Variants in PPP2R3A observed in about 807,000 individuals in gnomAD.
The protein encoded by PPP2R3A is serine/threonine-protein phosphatase 2A regulatory subunit B'' subunit alpha.
PPP2R3A carries 80 observed loss-of-function variants against 106.9 expected under a neutral mutation model. The ratio of observed to expected loss-of-function variants is 0.75; its 90% CI spans 0.62 to 0.90. The LOEUF is 0.90. Ranked by LOEUF, PPP2R3A falls within the 40% of genes least tolerant of loss-of-function variation. The pLI is 0.00. For synonymous variants in PPP2R3A, 483 were observed against 468.3 expected (o/e 1.03, Z -0.41); for missense variants, 1,386 against 1,350.4 (o/e 1.03, Z -0.41).
At chr3:136,041,988 G>T (rs770435229) in intron 4 of PPP2R3A, among the ~76,000 whole-genome samples, 1 of 151,768 alleles carries the variant, frequency 6.6e-6, no homozygotes, top group Non-Finnish European at 1.5e-5. Flanking sequence ...TGTTCTTCTC[G>T]CCTTTTCTGA....
At chr3:136,018,221 C>G (rs977532756) in intron 2 of PPP2R3A, among the ~76,000 whole-genome samples, 1 of 152,182 alleles carries the variant, frequency 6.6e-6, no homozygotes, top group Non-Finnish European at 1.5e-5. Context: ...GAGCCAAGAT[C>G]ATGCCACTGC....
rs755472124 is a variant in PPP2R3A, at chr3:136,087,980, C to G, written c.2837+49C>G. 2.3e-4 allele frequency: 332 copies of G among 1,463,430 alleles called. 1 individual carries two copies. Among genetic ancestry groups the G allele is most frequent in the Non-Finnish European group, 6.5e-5 (69 of 1,054,498 alleles). The allele number at this position is 1,463,430 out of a possible 1,614,324, so 90.7% of individuals were successfully genotyped here. A position where few individuals can be genotyped will look rare whatever the true frequency, so the allele number is the denominator to read the frequency against. ...TTTAAAAATGAACTACAAGTAATAC[C>G]ATAACCATCTCATTTTAGCAAAGCT... is the stretch of plus-strand genomic sequence containing the variant. On this transcript the variant is annotated intron_variant, in intron 9 of 13. Transcript: ENST00000264977.
At position 136,050,455 on chromosome 3, in the gene PPP2R3A, G is replaced by A. The variant is rs550251360; in HGVS notation, c.2469+1094G>A. ...GTGCCACAGTTCTGAGGTCTTACAC[G>A]GTACCAAAGCATTAGGGTTGGGAGT... On this transcript the variant is annotated intron_variant, in intron 5 of 13. Transcript: ENST00000264977. Among the ~76,000 whole-genome samples, 11 of 152,206 alleles carry A rather than the reference G, an allele frequency of 7.2e-5. No individual in the cohort carries two copies. In the East Asian group the frequency reaches 2.1e-3, roughly 29 times the overall value.
intron 13 of PPP2R3A, among the ~76,000 whole-genome samples, chr3:136,120,278 AAGT>A (rs1303402414): frequency 6.6e-6 from 1 of 152,020 alleles, no homozygotes; most frequent in African/African-American, 2.4e-5. Flanking sequence ...CCAGAACTTA[AAGT>A]ATAATTTTTT....
In PPP2R3A at chr3:136,082,396, C is replaced by A; in HGVS notation, c.2763C>A (p.Ala921=). ...DTDHDLYISQ[A]DLSRYNDQAS... ...ATCACGACCTCTACATCAGCCAGGC[C>A]GATCTGTCTCGATACAATGACCAGG... The change falls in exon 8 of 14, where the codon GCC becomes GCA. Residue 921 remains alanine (A), a synonymous_variant. Coordinates refer to ENST00000264977, the MANE Select transcript of PPP2R3A (RefSeq NM_002718.5). 1 of 1,613,766 alleles carries A rather than the reference C, an allele frequency of 6.2e-7. No homozygotes were observed. The highest frequency in any genetic ancestry group is 1.3e-5 in the African/African-American group (1 of 75,012).
At chr3:136,024,674 C>T (rs1934584943) in intron 2 of PPP2R3A, among the ~76,000 whole-genome samples, 1 of 152,150 alleles carries the variant, frequency 6.6e-6, no homozygotes, top group Non-Finnish European at 1.5e-5. Context: ...GGTTTCATCC[C>T]TGCTGGCACC....
intron 2 of PPP2R3A, among the ~76,000 whole-genome samples, chr3:136,010,566 A>G (rs1297043087): frequency 1.3e-5 from 2 of 150,950 alleles, no homozygotes; most frequent in Non-Finnish European, 3.0e-5. Flanking sequence ...AGCTGGGACT[A>G]CAGGCGCCCG....
chr3:136,046,668 A>G (rs775976700), intron 4 of PPP2R3A, among the ~76,000 whole-genome samples: 59 of 152,368 alleles, frequency 3.9e-4, no homozygotes, highest in South Asian at 2.3e-3. Flanking sequence ...AGAAGGAACC[A>G]GCACAAGAAC....
chr3:136,014,805 A>G (rs1326363677), intron 2 of PPP2R3A, among the ~76,000 whole-genome samples: 2 of 152,078 alleles, frequency 1.3e-5, no homozygotes, highest in Non-Finnish European at 2.9e-5. Flanking sequence ...ACCTATTTGG[A>G]TGCCCTTTAT....
chr3:136,094,258 CT>C (rs1003614767), intron 10 of PPP2R3A, among the ~76,000 whole-genome samples: 1 of 152,096 alleles, frequency 6.6e-6, no homozygotes, highest in Admixed American at 6.6e-5. Context: ...TATGGAGTCT[CT>C]TTTTGTAGGT....
At chr3:136,027,847 G>T (rs945942939) in intron 3 of PPP2R3A, among the ~76,000 whole-genome samples, 2 of 152,194 alleles carry the variant, frequency 1.3e-5, no homozygotes, top group Non-Finnish European at 2.9e-5. Context: ...AGGCAGAGGG[G>T]TTTAGAAGGC....
chr3:136,050,199 A>G (rs755107858), intron 5 of PPP2R3A, among the ~76,000 whole-genome samples: 3 of 152,174 alleles, frequency 2.0e-5, no homozygotes, highest in Non-Finnish European at 4.4e-5. Flanking sequence ...AGATAAAACA[A>G]TGGCACTGTA....
chr3:136,118,625 C>T (rs1233776291), intron 13 of PPP2R3A, among the ~76,000 whole-genome samples: 1 of 152,132 alleles, frequency 6.6e-6, no homozygotes. Context: ...CTCCCATTCA[C>T]AATAGCTTCA....
chr3:135,986,624 T>G (rs1932930377), intron 1 of PPP2R3A, among the ~76,000 whole-genome samples: 1 of 152,134 alleles, frequency 6.6e-6, no homozygotes, highest in South Asian at 2.1e-4. Context: ...ACTGATGGCT[T>G]GCTTCCTATT....
At chr3:136,085,376 T>C (rs867553183) in intron 8 of PPP2R3A, among the ~76,000 whole-genome samples, 4 of 152,168 alleles carry the variant, frequency 2.6e-5, no homozygotes, top group Non-Finnish European at 4.4e-5. Flanking sequence ...CCCAGCCATG[T>C]GGAACTGTGA....
intron 1 of PPP2R3A, among the ~76,000 whole-genome samples, chr3:135,974,358 A>G (rs141472039): frequency 8.9e-4 from 136 of 152,332 alleles, no homozygotes; most frequent in Middle Eastern, 3.4e-3. Flanking sequence ...TAGGAAGGAA[A>G]TAACTGCAGT....
chr3:136,092,390 ATTG>A (rs2107949178), intron 10 of PPP2R3A, among the ~76,000 whole-genome samples: 1 of 152,324 alleles, frequency 6.6e-6, no homozygotes, highest in Non-Finnish European at 1.5e-5. Flanking sequence ...TTCATGGATC[ATTG>A]TTAAGATGGC....
At chr3:135,996,180 T>G (rs6439609) in intron 1 of PPP2R3A, among the ~76,000 whole-genome samples, 47,752 of 152,066 alleles carry the variant, frequency 0.31, 7,850 homozygotes, top group African/African-American at 0.41. Context: ...AAATGTATTT[T>G]AGAATTGAAA....
intron 13 of PPP2R3A, among the ~76,000 whole-genome samples, chr3:136,131,414 G>T (rs1216530408): frequency 1.3e-5 from 2 of 152,172 alleles, no homozygotes; most frequent in Non-Finnish European, 2.9e-5. Context: ...ATGAAAAAAT[G>T]CTCATCATCA....
Sources: gnomAD v4.1 joint callset for allele counts (sites outside exome capture counted in the v4.1 genomes callset) on GRCh38, gnomAD v4.1.1 for gene constraint, MANE v1.5 for transcripts, NCBI Gene and HGNC (gene_info 2026-07-23, HGNC 2026-07-21) for gene names.